CFAP20DC: variants seen among roughly 807,000 people sequenced by gnomAD.
The protein encoded by CFAP20DC is protein CFAP20DC.
In CFAP20DC, 84 loss-of-function variants were observed where a neutral mutation model predicts 101.7. The ratio of observed to expected loss-of-function variants is 0.83; its 90% CI spans 0.69 to 0.99. The LOEUF (loss-of-function observed/expected upper bound fraction) is 0.99, where lower values mean the gene tolerates loss of function less well. CFAP20DC is among the 50% of genes least tolerant of loss of function. The probability of loss-of-function intolerance (pLI) is 0.00; values close to 1 mark genes in which losing one functional copy is unlikely to be tolerated. For missense variants in CFAP20DC, 1,007 were observed against 970.3 expected, an observed-to-expected ratio of 1.04 and a Z score of -0.50; for synonymous variants, 359 against 351.2, an observed-to-expected ratio of 1.02 and a Z score of -0.25.
At chr3:58,942,050 T>C (rs2088683404) in intron 4 of CFAP20DC, among the ~76,000 whole-genome samples, 1 of 152,228 alleles carries the variant, frequency 6.6e-6, no homozygotes, top group Non-Finnish European at 1.5e-5. Flanking sequence ...TCTACTTTTT[T>C]AGACATTCTT....
chr3:58,945,105 C>T (rs1490292489), intron 4 of CFAP20DC, among the ~76,000 whole-genome samples: 2 of 152,124 alleles, frequency 1.3e-5, no homozygotes, highest in Admixed American at 1.3e-4. Flanking sequence ...AAGATATCTA[C>T]TATTATTATT....
chr3:58,816,722 C>T (rs943118722), intron 14 of CFAP20DC, among the ~76,000 whole-genome samples: 2 of 152,174 alleles, frequency 1.3e-5, no homozygotes, highest in Admixed American at 6.5e-5. Context: ...GAGGGGCGCC[C>T]GCCATTGCCC....
At chr3:58,825,708 T>C (rs909189344) in intron 14 of CFAP20DC, among the ~76,000 whole-genome samples, 2 of 152,176 alleles carry the variant, frequency 1.3e-5, no homozygotes, top group African/African-American at 2.4e-5. Flanking sequence ...ACAGAAACTC[T>C]CCAAAATTGA....
intron 4 of CFAP20DC, among the ~76,000 whole-genome samples, chr3:59,026,454 T>C (rs2093894721): frequency 6.6e-6 from 1 of 152,178 alleles, no homozygotes; most frequent in South Asian, 2.1e-4. Flanking sequence ...AACCACTATT[T>C]TCTTTAAAGG....
At chr3:59,019,115 A>G (rs892847589) in intron 4 of CFAP20DC, 4 of 152,150 alleles carry the variant, frequency 2.6e-5, no homozygotes, top group African/African-American at 4.8e-5. Flanking sequence ...TTTAGATTGC[A>G]TGACCCTATA....
intron 16 of CFAP20DC, among the ~76,000 whole-genome samples, chr3:58,746,046 A>G (rs2068174946): frequency 6.6e-6 from 1 of 152,188 alleles, no homozygotes; most frequent in South Asian, 2.1e-4. Context: ...ATGTACGTTT[A>G]TACCTTATTC....
chr3:59,008,216 G>A (rs1254800221), intron 4 of CFAP20DC, among the ~76,000 whole-genome samples: 2 of 152,184 alleles, frequency 1.3e-5, no homozygotes, highest in East Asian at 3.9e-4. Context: ...GATGAAAAGA[G>A]ATGCCTGTCT....
At chr3:58,918,861 A>G (rs1002932014) in intron 5 of CFAP20DC, among the ~76,000 whole-genome samples, 5 of 152,186 alleles carry the variant, frequency 3.3e-5, no homozygotes, top group African/African-American at 1.2e-4. Flanking sequence ...CATTCCTCAT[A>G]GAGTTGTTTG....
intron 1 of CFAP20DC, among the ~76,000 whole-genome samples, chr3:59,048,157 A>ATC (rs760636585): frequency 2.0e-4 from 30 of 152,280 alleles, no homozygotes; most frequent in African/African-American, 2.4e-5. Context: ...TAAGATAATT[A>ATC]TCTCTAAGGA....
chr3:58,749,821 A>C (rs58807698), intron 16 of CFAP20DC, among the ~76,000 whole-genome samples: 15,564 of 152,224 alleles, frequency 0.1, 1,373 homozygotes, highest in East Asian at 0.36. Flanking sequence ...AGTATGGTTC[A>C]TTTTCAAAAG....
chr3:59,029,855 T>C (rs1363366406), intron 4 of CFAP20DC, among the ~76,000 whole-genome samples: 1 of 152,072 alleles, frequency 6.6e-6, no homozygotes, highest in Non-Finnish European at 1.5e-5. Flanking sequence ...TCGAGGTATA[T>C]CAAATCCCCC....
intron 12 of CFAP20DC, among the ~76,000 whole-genome samples, chr3:58,856,038 C>G (rs1057493534): frequency 6.7e-6 from 1 of 150,162 alleles, no homozygotes; most frequent in Non-Finnish European, 1.5e-5. Flanking sequence ...GGAAAAAAAA[C>G]TTCAAAATAA....
At chr3:58,929,883 A>C (rs184388832) in intron 5 of CFAP20DC, among the ~76,000 whole-genome samples, 5 of 152,188 alleles carry the variant, frequency 3.3e-5, no homozygotes, top group Admixed American at 2.0e-4. Flanking sequence ...AATACTTTCC[A>C]ATATCAACTG....
chr3:58,898,841 G>C (rs1369408251), intron 6 of CFAP20DC, among the ~76,000 whole-genome samples: 1 of 150,166 alleles, frequency 6.7e-6, no homozygotes, highest in East Asian at 1.9e-4. Flanking sequence ...TGATCTTTCA[G>C]ATTGCTCATC....
intron 5 of CFAP20DC, among the ~76,000 whole-genome samples, chr3:58,922,120 A>G (rs1212657663): frequency 6.6e-6 from 1 of 152,086 alleles, no homozygotes; most frequent in Non-Finnish European, 1.5e-5. Context: ...ATAGCATGCA[A>G]TTGTCCCTTG....
chr3:58,995,720 T>C (rs561262925), intron 4 of CFAP20DC, among the ~76,000 whole-genome samples: 8 of 152,282 alleles, frequency 5.3e-5, no homozygotes, highest in East Asian at 1.9e-4. Flanking sequence ...ATCCAATCAA[T>C]TGGAGCCCTG....
At position 58,894,493 on chromosome 3, in the gene CFAP20DC, T is replaced by G. The variant is rs186327153; in HGVS notation, c.551-9784A>C. Among the ~76,000 whole-genome samples, 1 of 152,348 alleles carries G rather than the reference T, an allele frequency of 6.6e-6. No homozygotes were observed. Among genetic ancestry groups the G allele is most frequent in the East Asian group, 1.9e-4 (1 of 5,186 alleles). On this transcript the variant is annotated intron_variant, in intron 6 of 16. Coordinates refer to ENST00000482387, the MANE Select transcript of CFAP20DC (RefSeq NM_001394063.1). The surrounding 1 kb of genome is among the most constrained non-coding windows in gnomAD (Gnocchi z 4.1). ...AAATGATCTCCTTTGACTCCATGTC[T>G]CACATTCAGGACACGCTGATGCAGA...
At chr3:58,817,391 A>G (rs2107859474) in intron 14 of CFAP20DC, among the ~76,000 whole-genome samples, 1 of 151,422 alleles carries the variant, frequency 6.6e-6, no homozygotes, top group South Asian at 2.1e-4. Flanking sequence ...GAAAACTTCG[A>G]AAAAAATTTA....
chr3:58,909,371 T>C (rs1010696824), intron 6 of CFAP20DC, among the ~76,000 whole-genome samples: 39 of 152,194 alleles, frequency 2.6e-4, no homozygotes, highest in Admixed American at 6.5e-4. Context: ...ACATGATATA[T>C]TACGATATTT....
Sources: allele counts gnomAD v4.1 joint callset (sites outside exome capture counted in the v4.1 genomes callset), GRCh38; gene constraint gnomAD v4.1.1; non-coding constraint Gnocchi (gnomAD v3.1); transcripts MANE v1.5; gene names NCBI Gene and HGNC (gene_info 2026-07-23, HGNC 2026-07-21).